THSD4: variants seen among roughly 807,000 people sequenced by gnomAD.
THSD4 encodes the protein thrombospondin type 1 domain containing 4, also known as thrombospondin type-1 domain-containing protein 4.
Under a neutral mutation model 119.0 loss-of-function variants are expected in THSD4, and 69 were observed. That is an observed-to-expected ratio of 0.58 (90% confidence interval 0.48 to 0.71). The LOEUF (loss-of-function observed/expected upper bound fraction) is 0.71, where lower values mean the gene tolerates loss of function less well. Among genes scored for constraint, THSD4 ranks in the 30% least tolerant of loss-of-function variants. The pLI, the probability that THSD4 is intolerant of heterozygous loss-of-function variation, is 0.00. For missense variants in THSD4, 1,393 were observed against 1,391.1 expected, an observed-to-expected ratio of 1.00 and a Z score of -0.02; for synonymous variants, 524 against 540.4, an observed-to-expected ratio of 0.97 and a Z score of 0.42.
chr15:71,457,054 G>A (rs1321824385), intron 7 of THSD4, among the ~76,000 whole-genome samples: 1 of 152,054 alleles, frequency 6.6e-6, no homozygotes, highest in East Asian at 1.9e-4. Flanking sequence ...CAAGGATAAA[G>A]TCCCCAGGGT....
In THSD4 at chr15:71,702,430, A is replaced by AGGG. The variant is rs1254998026; in HGVS notation, c.1358-26117_1358-26115dup. The stretch of plus-strand genomic sequence containing the variant: ...AATCCTAACATTTTATGTGTAAGGA[A>AGGG]GGGGAGGCCCAGAGAAGGATGGTTA... On this transcript the variant is annotated intron_variant, in intron 8 of 17. Transcript: ENST00000261862. Among the ~76,000 whole-genome samples, 5 of 151,654 alleles carry AGGG rather than the reference A, an allele frequency of 3.3e-5. No homozygotes were observed. In the East Asian group the frequency reaches 9.6e-4, roughly 29 times the overall value.
rs540946538 is a variant in THSD4 at position 71,295,018 on chromosome 15, G to A, written c.1015+38303G>A. The stretch of plus-strand genomic sequence containing the variant: ...TCAAGCTGGGACTGGGTCCAAGATT[G>A]GGGTGGGTGAGTGGCGCTTGCGTCA... On this transcript the variant is annotated intron_variant, in intron 6 of 17. Coordinates refer to ENST00000261862, the MANE Select transcript of THSD4 (RefSeq NM_024817.3). Among the ~76,000 whole-genome samples the A allele has an allele frequency of 4.6e-5, 7 of 152,010 alleles. No individual in the cohort carries two copies. The South Asian group carries it at 1.5e-3, about 32-fold the overall frequency.
At chr15:71,331,207 G>A (rs959542130) in intron 6 of THSD4, among the ~76,000 whole-genome samples, 7 of 152,188 alleles carry the variant, frequency 4.6e-5, no homozygotes, top group Non-Finnish European at 7.4e-5. Flanking sequence ...GCTTGTGATG[G>A]TGACAGAGGG....
intron 7 of THSD4, among the ~76,000 whole-genome samples, chr15:71,586,338 G>A (rs1364715591): frequency 6.6e-6 from 1 of 152,184 alleles, no homozygotes; most frequent in Non-Finnish European, 1.5e-5. Flanking sequence ...GGCACAGCAT[G>A]ACTAGGTTTT....
At chr15:71,386,343 T>G (rs1030348318) in intron 6 of THSD4, among the ~76,000 whole-genome samples, 1 of 152,112 alleles carries the variant, frequency 6.6e-6, no homozygotes. Flanking sequence ...ATTTCCAGAT[T>G]CAGCCAAGGG....
intron 6 of THSD4, among the ~76,000 whole-genome samples, chr15:71,354,675 A>G (rs2045785650): frequency 6.6e-6 from 1 of 152,218 alleles, no homozygotes; most frequent in Admixed American, 6.5e-5. Flanking sequence ...ATAAGCATAG[A>G]ATTACACCCA....
intron 7 of THSD4, among the ~76,000 whole-genome samples, chr15:71,506,880 G>A (rs2048198211): frequency 6.6e-6 from 1 of 152,220 alleles, no homozygotes; most frequent in Non-Finnish European, 1.5e-5. Flanking sequence ...CAAATAACTG[G>A]TAAAAGGTAG....
chr15:71,405,607 T>C (rs2046594967), intron 6 of THSD4, among the ~76,000 whole-genome samples: 1 of 152,212 alleles, frequency 6.6e-6, no homozygotes, highest in Non-Finnish European at 1.5e-5. Context: ...AGTTTTAAAA[T>C]CAGGAAATAT....
At chr15:71,527,032 T>C (rs563109953) in intron 7 of THSD4, among the ~76,000 whole-genome samples, 1 of 152,290 alleles carries the variant, frequency 6.6e-6, no homozygotes, top group South Asian at 2.1e-4. Context: ...GTGGGTCCTT[T>C]AGGAGGTGAT....
At chr15:71,569,702 A>G (rs978430703) in intron 7 of THSD4, among the ~76,000 whole-genome samples, 1 of 152,248 alleles carries the variant, frequency 6.6e-6, no homozygotes, top group African/African-American at 2.4e-5. Context: ...ATAGGTAAAA[A>G]TAAGTGAAAG....
chr15:71,600,964 C>T (rs1408854363), intron 7 of THSD4, among the ~76,000 whole-genome samples: 8 of 152,078 alleles, frequency 5.3e-5, no homozygotes, highest in Admixed American at 5.2e-4. Context: ...TCAGGCTGGT[C>T]TCAAACTCCT....
intron 6 of THSD4, among the ~76,000 whole-genome samples, chr15:71,367,921 T>G (rs1417469410): frequency 6.6e-6 from 1 of 152,242 alleles, no homozygotes; most frequent in Admixed American, 6.5e-5. Context: ...GTGTTTCTAT[T>G]TCTCCACATC....
chr15:71,642,724 C>G (rs2140966256), intron 7 of THSD4, among the ~76,000 whole-genome samples: 1 of 151,822 alleles, frequency 6.6e-6, no homozygotes, highest in East Asian at 1.9e-4. Context: ...ACCGCATGTT[C>G]TCACTCATAG....
chr15:71,428,807 C>A (rs761212857), intron 7 of THSD4, among the ~76,000 whole-genome samples: 27 of 152,108 alleles, frequency 1.8e-4, no homozygotes, highest in Non-Finnish European at 3.2e-4. Flanking sequence ...TTTTTTAATG[C>A]AGATATTTTT....
intron 7 of THSD4, among the ~76,000 whole-genome samples, chr15:71,426,854 G>A (rs150135225): frequency 2.7e-3 from 410 of 152,268 alleles, no homozygotes; most frequent in African/African-American, 9.5e-3. Context: ...TGTATCCTCA[G>A]TGCTTAACAG....
At chr15:71,437,376 G>A (rs898067950) in intron 7 of THSD4, among the ~76,000 whole-genome samples, 3 of 152,220 alleles carry the variant, frequency 2.0e-5, no homozygotes, top group African/African-American at 4.8e-5. Context: ...AATAGAAGAC[G>A]ATGGTTTGTG....
At chr15:71,531,487 T>C (rs1426586003) in intron 7 of THSD4, among the ~76,000 whole-genome samples, 2 of 152,170 alleles carry the variant, frequency 1.3e-5, no homozygotes, top group African/African-American at 4.8e-5. Flanking sequence ...AAAAATGCAG[T>C]CAGTAAGATT....
chr15:71,411,869 T>C, intron 7 of THSD4, 46 bp downstream of exon 7: 1 of 1,606,772 alleles, frequency 6.2e-7, no homozygotes. Context: ...GTTTGATCTG[T>C]GACTGCTGAC....
chr15:71,358,014 T>A (rs2045844017), intron 6 of THSD4, among the ~76,000 whole-genome samples: 1 of 152,188 alleles, frequency 6.6e-6, no homozygotes, highest in Non-Finnish European at 1.5e-5. Context: ...GCTATAGACA[T>A]GAGAACTGGA....
Sources: allele counts gnomAD v4.1 joint callset (sites outside exome capture counted in the v4.1 genomes callset), GRCh38; gene constraint gnomAD v4.1.1; transcripts MANE v1.5; gene names NCBI Gene and HGNC (gene_info 2026-07-23, HGNC 2026-07-21).